EVA1C: variants seen among roughly 807,000 people sequenced by gnomAD.
The protein encoded by EVA1C is eva-1 homolog C.
A neutral mutation model predicts 45.4 loss-of-function variants in EVA1C; 25 were observed. The ratio of observed to expected loss-of-function variants is 0.55; its 90% CI spans 0.40 to 0.77. The LOEUF is 0.77. EVA1C is among the 30% of genes least tolerant of loss of function. The pLI is 0.00. For missense variants in EVA1C, 479 were observed against 554.8 expected, an observed-to-expected ratio of 0.86 and a Z score of 1.37; for synonymous variants, 190 against 221.2, an observed-to-expected ratio of 0.86 and a Z score of 1.25.
At chr21:32,453,901 G>C (rs185519576) in intron 2 of EVA1C, among the ~76,000 whole-genome samples, 5 of 152,294 alleles carry the variant, frequency 3.3e-5, no homozygotes, top group Admixed American at 3.3e-4. Flanking sequence ...ATCTCTTTGA[G>C]GCAGACATCT....
At chr21:32,442,691 G>T (rs2146209431) in intron 1 of EVA1C, among the ~76,000 whole-genome samples, 1 of 151,072 alleles carries the variant, frequency 6.6e-6, no homozygotes, top group East Asian at 2.0e-4. Flanking sequence ...GCGGGTGGGA[G>T]GGAAGGCAAG....
At chr21:32,511,438 A>AG (rs1555876826) in intron 7 of EVA1C, among the ~76,000 whole-genome samples, 229 of 148,738 alleles carry the variant, frequency 1.5e-3, no homozygotes, top group African/African-American at 4.4e-3. Flanking sequence ...AAAAAAAAAA[A>AG]AAAGAAAGAA....
chr21:32,421,810 G>A (rs967430176), intron 1 of EVA1C, among the ~76,000 whole-genome samples: 9 of 152,300 alleles, frequency 5.9e-5, no homozygotes, highest in African/African-American at 1.2e-4. Context: ...TTGGGAGGCC[G>A]ACGTGGGTGG....
chr21:32,436,952 G>A (rs866508232), intron 1 of EVA1C, among the ~76,000 whole-genome samples: 1 of 152,140 alleles, frequency 6.6e-6, no homozygotes, highest in Non-Finnish European at 1.5e-5. Context: ...TTGAGGTCAC[G>A]AGTTCAAGAC....
chr21:32,476,166 TTTA>T (rs2036556725), intron 4 of EVA1C, among the ~76,000 whole-genome samples: 1 of 152,166 alleles, frequency 6.6e-6, no homozygotes, highest in African/African-American at 2.4e-5. Context: ...TGTTGGGATC[TTTA>T]TTGATTTATT....
At chr21:32,457,783 G>A (rs1272525488) in intron 3 of EVA1C, 63 bp downstream of exon 3, 12 of 1,593,170 alleles carry the variant, frequency 7.5e-6, no homozygotes, top group African/African-American at 1.3e-5. Flanking sequence ...TCACACTCCT[G>A]GTCAAAATTC....
chr21:32,484,356 C>G (rs574025884), intron 4 of EVA1C, among the ~76,000 whole-genome samples: 76 of 152,032 alleles, frequency 5.0e-4, no homozygotes, highest in Non-Finnish European at 1.0e-3. Context: ...CCAGCCTGAC[C>G]AAGATGGTGA....
intron 4 of EVA1C, among the ~76,000 whole-genome samples, chr21:32,494,446 A>T (rs2037273193): frequency 1.3e-5 from 2 of 152,314 alleles, no homozygotes; most frequent in Admixed American, 1.3e-4. Context: ...TTCATATTTT[A>T]ACCAGTGCAA....
rs1222815063 is a variant in EVA1C at position 32,467,760 on chromosome 21, G to A, written c.546G>A (p.Lys182=). The A allele has an allele frequency of 6.2e-7, 1 of 1,612,604 alleles. No homozygotes were observed. The highest frequency in any genetic ancestry group is 8.5e-7 in the Non-Finnish European group (1 of 1,179,392). The part of the protein sequence containing the change: ...QELKLHCHES[K]FLNIYSATYG... ...TGAAACTGCACTGCCATGAATCCAA[G>A]TTCCTCAACATCTACTCTGCGACCT... The change falls in exon 4 of 8, where the codon AAG becomes AAA. Residue 182 remains lysine (K), a synonymous_variant. Coordinates refer to ENST00000300255, the MANE Select transcript of EVA1C (RefSeq NM_058187.5).
At chr21:32,475,141 G>A (rs1350566696) in intron 4 of EVA1C, among the ~76,000 whole-genome samples, 2 of 152,200 alleles carry the variant, frequency 1.3e-5, no homozygotes, top group African/African-American at 4.8e-5. Context: ...GATGATTTGT[G>A]TATTTTTCCT....
At chr21:32,469,114 T>G (rs1390877670) in intron 4 of EVA1C, among the ~76,000 whole-genome samples, 4 of 152,320 alleles carry the variant, frequency 2.6e-5, no homozygotes, top group African/African-American at 9.6e-5. Flanking sequence ...CTGGGCCCTG[T>G]TCTAAGCATG....
chr21:32,427,099 C>G (rs1261015773), intron 1 of EVA1C, among the ~76,000 whole-genome samples: 1 of 152,174 alleles, frequency 6.6e-6, no homozygotes, highest in Non-Finnish European at 1.5e-5. Context: ...TTCCTGCTCA[C>G]TTTGGTGCCA....
chr21:32,491,269 G>A (rs1270981913), intron 4 of EVA1C, among the ~76,000 whole-genome samples: 1 of 152,168 alleles, frequency 6.6e-6, no homozygotes, highest in East Asian at 1.9e-4. Flanking sequence ...GAGAATAACG[G>A]CTGTGAAGGA....
intron 1 of EVA1C, among the ~76,000 whole-genome samples, chr21:32,441,001 C>G (rs2035154610): frequency 1.3e-5 from 2 of 152,180 alleles, no homozygotes; most frequent in African/African-American, 2.4e-5. Flanking sequence ...ACTCAGGAGG[C>G]TGAGGCAAGA....
chr21:32,475,881 A>C (rs57698997), intron 4 of EVA1C, among the ~76,000 whole-genome samples: 496 of 46,746 alleles, frequency 0.011, 3 homozygotes, highest in African/African-American at 0.04. Flanking sequence ...TAAAAACTTT[A>C]TCTATCTATC....
chr21:32,509,343 C>T (rs988962608), intron 7 of EVA1C, among the ~76,000 whole-genome samples: 1 of 152,224 alleles, frequency 6.6e-6, no homozygotes, highest in African/African-American at 2.4e-5. Context: ...TTGATGCAGA[C>T]TTGCCTTAAA....
At chr21:32,493,161 T>G (rs2146398629) in intron 4 of EVA1C, among the ~76,000 whole-genome samples, 1 of 152,324 alleles carries the variant, frequency 6.6e-6, no homozygotes, top group South Asian at 2.1e-4. Flanking sequence ...TATAAGTGAA[T>G]GGAACTTTGC....
chr21:32,490,364 A>G lies in EVA1C; in HGVS notation c.635-4663A>G, dbSNP rs116795536. On this transcript the variant is annotated intron_variant, in intron 4 of 7. Transcript: ENST00000300255. ...GTGACTGGCTTACTTCACTTAGCAT[A>G]ATGTCTTCAAGGTTCATCCAAGTTG... 6.2e-3 allele frequency among the ~76,000 whole-genome samples: 945 copies of G among 152,256 alleles called. 13 individuals are homozygous for G. The highest frequency in any genetic ancestry group is 0.022 in the African/African-American group (902 of 41,538).
chr21:32,504,087 C>T (rs1266431881), intron 7 of EVA1C, 72 bp downstream of exon 7: 2 of 1,026,856 alleles, frequency 1.9e-6, no homozygotes, highest in African/African-American at 3.2e-5. Context: ...ATGTGCTGTT[C>T]AATTATAGCA....
Sources: gnomAD v4.1 joint callset for allele counts (sites outside exome capture counted in the v4.1 genomes callset) on GRCh38, gnomAD v4.1.1 for gene constraint, MANE v1.5 for transcripts, NCBI Gene and HGNC (gene_info 2026-07-23, HGNC 2026-07-21) for gene names.